PPP2R1B: variants seen among roughly 807,000 people sequenced by gnomAD.
PPP2R1B encodes protein phosphatase 2 scaffold subunit Abeta, also known as serine/threonine-protein phosphatase 2A 65 kDa regulatory subunit A beta isoform.
Under a neutral mutation model 72.7 loss-of-function variants are expected in PPP2R1B, and 58 were observed. The ratio of observed to expected loss-of-function variants is 0.80; its 90% CI spans 0.65 to 0.99. The LOEUF is 0.99. Ranked by LOEUF, PPP2R1B falls within the 50% of genes least tolerant of loss-of-function variation. PPP2R1B has a pLI of 0.00. For synonymous variants in PPP2R1B, 256 were observed against 264.6 expected (o/e 0.97, Z 0.32); for missense variants, 695 against 733.6 (o/e 0.95, Z 0.61).
the PPP2R1B span, among the ~76,000 whole-genome samples, chr11:111,717,758 A>G: frequency 6.6e-6 from 1 of 152,238 alleles, no homozygotes; most frequent in Non-Finnish European, 1.5e-5. Context: ...AATACCATGC[A>G]TACATAGAAA....
Position 111,759,970 on chromosome 11 carries a change from A to G in PPP2R1B, c.540-19T>C. On this transcript the variant is annotated intron_variant, in intron 4 of 14. Transcript: ENST00000527614. ...GAATTGCCTGCAACATAAAACAATG[A>G]AGGTATTTCCCATCAAATAACACTG... The G allele has an allele frequency of 6.2e-7, 1 of 1,610,742 alleles. No individual in the cohort carries two copies. Among genetic ancestry groups the G allele is most frequent in the Non-Finnish European group, 8.5e-7 (1 of 1,177,676 alleles).
chr11:111,700,053 C>T, the PPP2R1B span, among the ~76,000 whole-genome samples: 6 of 152,248 alleles, frequency 3.9e-5, no homozygotes, highest in Admixed American at 2.0e-4. Flanking sequence ...TTTGTTTCTT[C>T]GGTAAGAATA....
chr11:111,700,643 CACTT>C, the PPP2R1B span, among the ~76,000 whole-genome samples: 1 of 152,178 alleles, frequency 6.6e-6, no homozygotes, highest in African/African-American at 2.4e-5. Context: ...TCCAGTCTCT[CACTT>C]ACTCGCTTTG....
chr11:111,755,752 G>A (rs112222806), intron 5 of PPP2R1B, among the ~76,000 whole-genome samples: 1,635 of 152,038 alleles, frequency 0.011, 48 homozygotes, highest in African/African-American at 0.038. Flanking sequence ...ACCACGCCCA[G>A]CTAATTTTTG....
chr11:111,742,678 G>C lies in PPP2R1B; in HGVS notation c.1555-13C>G. ...CCTCAGACAGTGCCTAGAAAAATAA[G>C]TAAGATGGCACATTTAAAATACTTT... On this transcript the variant is annotated splice_polypyrimidine_tract_variant and intron_variant, in intron 12 of 14. Transcript: ENST00000527614. 1 of 1,585,116 alleles carries C rather than the reference G, an allele frequency of 6.3e-7. No homozygotes were observed. Among genetic ancestry groups the C allele is most frequent in the Non-Finnish European group, 8.6e-7 (1 of 1,165,640 alleles).
downstream of PPP2R1B, among the ~76,000 whole-genome samples, chr11:111,735,491 G>A (rs1215872502): frequency 6.6e-6 from 1 of 152,216 alleles, no homozygotes; most frequent in African/African-American, 2.4e-5. Flanking sequence ...CCAGGAGTGA[G>A]CCGCTGCCGG....
chr11:111,695,614 C>A, the PPP2R1B span, among the ~76,000 whole-genome samples: 4 of 152,194 alleles, frequency 2.6e-5, no homozygotes, highest in African/African-American at 9.7e-5. Context: ...TGGAGACCAG[C>A]AGCATGAGCA....
the PPP2R1B span, among the ~76,000 whole-genome samples, chr11:111,694,995 A>G: frequency 6.6e-6 from 1 of 152,212 alleles, no homozygotes; most frequent in Non-Finnish European, 1.5e-5. Flanking sequence ...ATGTTTGGAA[A>G]TGAACTGTGC....
rs1555051179 is a variant in PPP2R1B, at chr11:111,760,940, A to T, written c.418T>A (p.Phe140Ile). Residue 140 changes from phenylalanine to isoleucine, a missense_variant, in exon 4 of 15, where the codon TTT becomes ATT. Physicochemically the swap from Phe to Ile is conservative, Grantham distance 21. Transcript: ENST00000527614. Reference sequence around the variant, plus strand: ...GCTAAGCGTTTCACCAGAGGTACAAAATAAGCTTCCAGAGCAACAGGAGTA... The same window carrying T: ...GCTAAGCGTTTCACCAGAGGTACAATATAAGCTTCCAGAGCAACAGGAGTA... ...EHTPVALEAY[F>I]VPLVKRLASG... 6.2e-7 allele frequency: 1 copy of T among 1,614,098 alleles called. No homozygotes were observed. Among genetic ancestry groups the T allele is most frequent in the South Asian group, 1.1e-5 (1 of 91,080 alleles).
chr11:111,764,230 G>C (rs1232773757), intron 3 of PPP2R1B, among the ~76,000 whole-genome samples: 1 of 149,692 alleles, frequency 6.7e-6, no homozygotes, highest in Non-Finnish European at 1.5e-5. Context: ...TTTTTTTTAA[G>C]AGATGGGGGT....
In PPP2R1B at chr11:111,740,495, C is replaced by T; in HGVS notation, c.*1101G>A. The T allele has an allele frequency of 2.0e-6, 2 of 985,256 alleles. No homozygotes were observed. Among genetic ancestry groups the T allele is most frequent in the Non-Finnish European group, 2.4e-6 (2 of 829,786 alleles). The allele number at this position is 985,256 out of a possible 1,614,324, so 61.0% of individuals were successfully genotyped here. A position where few individuals can be genotyped will look rare whatever the true frequency, so the allele number is the denominator to read the frequency against. On this transcript the variant is annotated 3_prime_UTR_variant, in exon 15 of 15. Transcript: ENST00000527614. ...GTGCTTTTTAAAAAGGGCTTTAATA[C>T]TGTTTAAGTAGTTCAAATAGGCTTC...
At chr11:111,733,702 A>G (rs1944262245), downstream of PPP2R1B, among the ~76,000 whole-genome samples, 4 of 152,182 alleles carry the variant, frequency 2.6e-5, no homozygotes, top group African/African-American at 9.7e-5. Context: ...CCCGGAGCGC[A>G]CAGCCTTGCC....
intron 2 of PPP2R1B, 133 bp downstream of exon 2, chr11:111,765,161 C>T (rs1945476083): frequency 5.7e-6 from 6 of 1,043,660 alleles, no homozygotes; most frequent in Non-Finnish European, 8.4e-6. Flanking sequence ...TAACAATATA[C>T]TCTGTTCTGT....
the PPP2R1B span, among the ~76,000 whole-genome samples, chr11:111,700,089 G>A: frequency 5.9e-3 from 894 of 152,258 alleles, 12 homozygotes; most frequent in African/African-American, 0.021. Context: ...TTAGCAAAAG[G>A]GTATGAACTT....
chr11:111,695,100 C>G, the PPP2R1B span, among the ~76,000 whole-genome samples: 9 of 152,228 alleles, frequency 5.9e-5, no homozygotes, highest in Admixed American at 5.9e-4. Context: ...AGCTTCATCT[C>G]TATCACTCTC....
At chr11:111,730,491 T>A (rs1483205052) in intron 15 of PPP2R1B, 1 of 152,248 alleles carries the variant, frequency 6.6e-6, no homozygotes, top group Non-Finnish European at 1.5e-5. Context: ...GGCAAGATTA[T>A]TTGCTTATAT....
chr11:111,737,851 C>CCTGATGGTTT (rs971039738), downstream of PPP2R1B: 3 of 1,247,624 alleles, frequency 2.4e-6, no homozygotes, highest in African/African-American at 4.5e-5. Flanking sequence ...TCTCCAGAGC[C>CCTGATGGTTT]CCAACCACAG....
chr11:111,723,586 G>T (rs369337511), downstream of PPP2R1B: 1 of 1,614,170 alleles, frequency 6.2e-7, no homozygotes, highest in Non-Finnish European at 8.5e-7. Flanking sequence ...CCTACCCACA[G>T]CCAAGTCAGC....
chr11:111,728,110 T>A (rs1944035804), intron 15 of PPP2R1B: 1 of 152,116 alleles, frequency 6.6e-6, no homozygotes, highest in Non-Finnish European at 1.5e-5. Flanking sequence ...AGGGCTGACC[T>A]GCTACACTCA....
Sources: allele counts gnomAD v4.1 joint callset (sites outside exome capture counted in the v4.1 genomes callset), GRCh38; gene constraint gnomAD v4.1.1; transcripts MANE v1.5; gene names NCBI Gene and HGNC (gene_info 2026-07-23, HGNC 2026-07-21).